The following MCF2L2 variants were observed in gnomAD, a reference collection of about 807,000 sequenced individuals.
MCF2L2 encodes the protein MCF.2 cell line derived transforming sequence-like 2, also known as probable guanine nucleotide exchange factor MCF2L2.
In MCF2L2, 102 loss-of-function variants were observed where a neutral mutation model predicts 150.2. The observed-to-expected ratio is 0.68, with a 90% CI of 0.58 to 0.80. The LOEUF (loss-of-function observed/expected upper bound fraction) is 0.80. MCF2L2 is among the 30% of genes least tolerant of loss of function. The pLI, the probability that MCF2L2 is intolerant of heterozygous loss-of-function variation, is 0.00. For synonymous variants in MCF2L2, 465 were observed against 491.3 expected (o/e 0.95, Z 0.71); for missense variants, 1,256 against 1,372.8 (o/e 0.91, Z 1.34).
chr3:183,350,045 C>T (rs907141663), intron 3 of MCF2L2, among the ~76,000 whole-genome samples: 13 of 152,254 alleles, frequency 8.5e-5, no homozygotes, highest in Non-Finnish European at 1.9e-4. Flanking sequence ...ATGGTCTCCC[C>T]GGCCAAACTG....
At chr3:183,242,655 G>T (rs986191750) in intron 15 of MCF2L2, among the ~76,000 whole-genome samples, 2 of 152,212 alleles carry the variant, frequency 1.3e-5, no homozygotes, top group African/African-American at 4.8e-5. Flanking sequence ...CCCTCATGGA[G>T]AATCTCTGCT....
chr3:183,301,926 GA>G, intron 10 of MCF2L2, among the ~76,000 whole-genome samples: 1 of 152,290 alleles, frequency 6.6e-6, no homozygotes, highest in African/African-American at 2.4e-5. Context: ...TCCCTGATGT[GA>G]ATGGTTCATG....
rs1367126281 is a variant in MCF2L2, at chr3:183,358,467, A to G, written c.276-16837T>C. ...AAACACTACATAAAGTTAAAAATGA[A>G]TCTCTTGATCATGTATCGAAAGAGT... On this transcript the variant is annotated intron_variant, in intron 3 of 29. Transcript: ENST00000328913. Among the ~76,000 whole-genome samples, 5 of 152,188 alleles carry G rather than the reference A, an allele frequency of 3.3e-5. No individual in the cohort carries two copies. In the East Asian group the frequency reaches 7.7e-4, roughly 23 times the overall value.
intron 3 of MCF2L2, among the ~76,000 whole-genome samples, chr3:183,362,814 A>G (rs1258799776): frequency 6.6e-6 from 1 of 152,158 alleles, no homozygotes; most frequent in Admixed American, 6.5e-5. Context: ...AAGCTACTAT[A>G]AGGAAGAAAA....
At chr3:183,339,063 T>C in intron 4 of MCF2L2, 144 bp from the exon 5 acceptor site, 1 of 743,324 alleles carries the variant, frequency 1.3e-6, no homozygotes, top group East Asian at 2.9e-5. Context: ...TTTCACCAGA[T>C]TTCAGGGCTA....
chr3:183,395,917 C>CAAAAAAAA (rs11338932), intron 1 of MCF2L2, among the ~76,000 whole-genome samples: 15 of 57,980 alleles, frequency 2.6e-4, no homozygotes, highest in African/African-American at 3.6e-4. Flanking sequence ...GACATCGTCT[C>CAAAAAAAA]AAAAAAAAAA....
At chr3:183,285,881 A>G (rs1392132538) in intron 14 of MCF2L2, among the ~76,000 whole-genome samples, 1 of 152,184 alleles carries the variant, frequency 6.6e-6, no homozygotes, top group African/African-American at 2.4e-5. Flanking sequence ...CCAGCTTACA[A>G]AAAGGCTGTG....
chr3:183,189,457 C>A (rs1393395106), intron 27 of MCF2L2, among the ~76,000 whole-genome samples: 3 of 152,192 alleles, frequency 2.0e-5, no homozygotes, highest in Non-Finnish European at 2.9e-5. Context: ...GCCTTGTATG[C>A]CTCATCTGAG....
chr3:183,304,199 CG>C (rs1728988745), intron 10 of MCF2L2, among the ~76,000 whole-genome samples: 1 of 152,216 alleles, frequency 6.6e-6, no homozygotes, highest in African/African-American at 2.4e-5. Flanking sequence ...CTGCTGCCTG[CG>C]CTATGCCACA....
chr3:183,391,890 G>A (rs755385344), intron 1 of MCF2L2, among the ~76,000 whole-genome samples: 6 of 150,666 alleles, frequency 4.0e-5, no homozygotes, highest in Admixed American at 1.3e-4. Flanking sequence ...GCATTTTTTT[G>A]ATTTCTCTTT....
At chr3:183,295,957 G>GAAAC (rs1250546226) in intron 12 of MCF2L2, among the ~76,000 whole-genome samples, 3 of 151,404 alleles carry the variant, frequency 2.0e-5, no homozygotes, top group Admixed American at 6.6e-5. Context: ...CTCCATCTCA[G>GAAAC]AAATAAACAA....
intron 1 of MCF2L2, among the ~76,000 whole-genome samples, chr3:183,402,849 CTCATA>C (rs1444618148): frequency 6.7e-6 from 1 of 149,666 alleles, no homozygotes; most frequent in African/African-American, 2.5e-5. Context: ...TGAGTCTCGC[CTCATA>C]TCATAGACAA....
chr3:183,224,514 C>A, intron 18 of MCF2L2: 1 of 210,606 alleles, frequency 4.7e-6, no homozygotes, highest in Non-Finnish European at 9.7e-6. Flanking sequence ...TTGTCCAGGA[C>A]ATCGACATCT....
At chr3:183,193,137 A>G in intron 26 of MCF2L2, 41 bp from the exon 27 acceptor site, 1 of 1,523,564 alleles carries the variant, frequency 6.6e-7, no homozygotes, top group Non-Finnish European at 9.1e-7. Context: ...ACTGGAAGGA[A>G]TGACACACGC....
rs1335655743 is a variant in MCF2L2, at chr3:183,207,547, G to GA, written c.2712+60dup. 5 of 1,326,644 alleles carry GA rather than the reference G, an allele frequency of 3.8e-6. No homozygotes were observed. In the African/African-American group the frequency reaches 7.3e-5, roughly 19 times the overall value. 82.2% of individuals were successfully genotyped at this position (1,326,644 alleles called of 1,614,324 possible). Reference sequence around the variant, plus strand: ...GCAGCTTCCTCATCTGTAAAATAAGGAAAACGATCTCTCTCTTTTCTGCAT... The same window carrying GA: ...GCAGCTTCCTCATCTGTAAAATAAGGAAAAACGATCTCTCTCTTTTCTGCAT... On this transcript the variant is annotated intron_variant, in intron 23 of 29. Coordinates refer to ENST00000328913, the MANE Select transcript of MCF2L2 (RefSeq NM_015078.4).
At chr3:183,326,497 A>AAAAAAAAAAAAAAAAAAAAC (rs1212240814) in intron 5 of MCF2L2, among the ~76,000 whole-genome samples, 1 of 121,988 alleles carries the variant, frequency 8.2e-6, no homozygotes, top group Non-Finnish European at 1.7e-5. Flanking sequence ...CGTCTCAAAA[A>AAAAAAAAAAAAAAAAAAAAC]AAAAAAAAAA....
Position 183,296,857 on chromosome 3 carries a change from G to A in MCF2L2, c.1497+119C>T, listed in dbSNP as rs368658996. On this transcript the variant is annotated intron_variant, in intron 12 of 29. Coordinates refer to ENST00000328913, the MANE Select transcript of MCF2L2 (RefSeq NM_015078.4). ...GCCGCCGGAGGGCTTCGGAACCAGT[G>A]AGCCCACTCAATTCAGCCTGCTCAG... 8.0e-5 allele frequency: 90 copies of A among 1,124,386 alleles called. 1 individual carries two copies. In the South Asian group the frequency reaches 1.4e-3, roughly 18 times the overall value. 69.7% of individuals were successfully genotyped at this position (1,124,386 alleles called of 1,614,324 possible).
At position 183,311,698 on chromosome 3, in the gene MCF2L2, G is replaced by T; in HGVS notation, c.828C>A (p.Pro276=). 1 of 1,614,044 alleles carries T rather than the reference G, an allele frequency of 6.2e-7. No homozygotes were observed. The highest frequency in any genetic ancestry group is 8.5e-7 in the Non-Finnish European group (1 of 1,179,978). Residue 276 remains proline, a synonymous_variant, in exon 8 of 30, where the codon CCC becomes CCA. Transcript: ENST00000328913. Reference sequence around the variant, plus strand: ...GTTGGTTGAGATTGAGTTTGCTGTTGGGACATTTGGTTGCTGGTTCTTGGA... The same window carrying T: ...GTTGGTTGAGATTGAGTTTGCTGTTTGGACATTTGGTTGCTGGTTCTTGGA... ...SCIQEPATKC[P]NSKLNLNQLE...
intron 3 of MCF2L2, among the ~76,000 whole-genome samples, chr3:183,348,646 G>T (rs1397012313): frequency 3.3e-5 from 5 of 152,104 alleles, no homozygotes; most frequent in Non-Finnish European, 1.5e-5. Flanking sequence ...TTGTGTATGA[G>T]GAGAGAGTTA....
Sources: allele counts gnomAD v4.1 joint callset (sites outside exome capture counted in the v4.1 genomes callset), GRCh38; gene constraint gnomAD v4.1.1; transcripts MANE v1.5; gene names NCBI Gene and HGNC (gene_info 2026-07-23, HGNC 2026-07-21).